The following SEC24A variants were observed in gnomAD, a reference collection of about 807,000 sequenced individuals.
SEC24A encodes SEC24 homolog A, COPII component.
In SEC24A, 93 loss-of-function variants were observed where a neutral mutation model predicts 129.4. The observed-to-expected ratio is 0.72, with a 90% confidence interval of 0.61 to 0.85. The LOEUF (loss-of-function observed/expected upper bound fraction) is 0.85. Among genes scored for constraint, SEC24A ranks in the 40% least tolerant of loss-of-function variants. The pLI, the probability that SEC24A is intolerant of heterozygous loss-of-function variation, is 0.00. For missense variants in SEC24A, 1,264 were observed against 1,307.4 expected (o/e 0.97, Z 0.51); for synonymous variants, 460 against 467.3 (o/e 0.98, Z 0.20).
intron 22 of SEC24A, among the ~76,000 whole-genome samples, chr5:134,724,387 G>A (rs919315217): frequency 2.6e-5 from 4 of 151,976 alleles, no homozygotes; most frequent in Non-Finnish European, 5.9e-5. Flanking sequence ...TTGGGAGTTC[G>A]AGACCAGCCT....
At chr5:134,682,590 G>T (rs962962253) in intron 9 of SEC24A, 108 bp downstream of exon 9, 1 of 586,514 alleles carries the variant, frequency 1.7e-6, no homozygotes. Context: ...TTTTGAGACA[G>T]AGTTTCACTC....
chr5:134,696,273 AAAAAAAAGAAAAAG>A (rs1348998568), intron 13 of SEC24A, among the ~76,000 whole-genome samples: 2 of 151,692 alleles, frequency 1.3e-5, no homozygotes, highest in Non-Finnish European at 2.9e-5. Context: ...TCCCATCTCA[AAAAAAAAGAAAAAG>A]AAAAAAAGAA....
At chr5:134,722,259 G>A (rs956705260) in intron 21 of SEC24A, among the ~76,000 whole-genome samples, 3 of 152,068 alleles carry the variant, frequency 2.0e-5, no homozygotes, top group Non-Finnish European at 4.4e-5. Flanking sequence ...GGGAGGCCGA[G>A]GCTGGCGAAT....
intron 16 of SEC24A, among the ~76,000 whole-genome samples, chr5:134,705,062 A>ATT (rs1170494212): frequency 7.9e-6 from 1 of 127,144 alleles, no homozygotes; most frequent in Non-Finnish European, 1.7e-5. Flanking sequence ...AGTTATTTAT[A>ATT]TTTATATTTA....
chr5:134,687,211 CA>C (rs1271740884), intron 10 of SEC24A, among the ~76,000 whole-genome samples: 6 of 152,132 alleles, frequency 3.9e-5, no homozygotes, highest in Non-Finnish European at 8.8e-5. Context: ...TATTTGAAAG[CA>C]AATTTCAGCC....
At chr5:134,721,971 G>A (rs982479844) in intron 21 of SEC24A, among the ~76,000 whole-genome samples, 2 of 152,188 alleles carry the variant, frequency 1.3e-5, no homozygotes, top group African/African-American at 2.4e-5. Flanking sequence ...ATGACTAAGC[G>A]TTTTAGGTAA....
chr5:134,702,963 C>A (rs1043881394), intron 15 of SEC24A, among the ~76,000 whole-genome samples: 1 of 151,980 alleles, frequency 6.6e-6, no homozygotes, highest in Non-Finnish European at 1.5e-5. Context: ...CAGGATTTCA[C>A]CATGTTGCCA....
Position 134,697,919 on chromosome 5 carries a change from G to T in SEC24A, c.2128G>T (p.Ala710Ser). The change falls in exon 15 of 23, where the codon GCA becomes TCA. Residue 710 changes from alanine (A) to serine (S), a missense_variant. Physicochemically the swap from Ala to Ser is moderately conservative, Grantham distance 99 (BLOSUM62 1). Transcript: ENST00000398844. ...ASLGCISRYS[A>S]GSVYYYPSYH... ...TCCAGGTTGTATTTCTCGGTATTCA[G>T]CAGGTAGTGTCTATTACTATCCCTC... 1.9e-6 allele frequency: 3 copies of T among 1,612,352 alleles called. No homozygotes were observed. The highest frequency in any genetic ancestry group is 2.5e-6 in the Non-Finnish European group (3 of 1,179,568).
At chr5:134,651,639 A>C (rs1010364340) in intron 1 of SEC24A, among the ~76,000 whole-genome samples, 1 of 151,380 alleles carries the variant, frequency 6.6e-6, no homozygotes, top group Non-Finnish European at 1.5e-5. Flanking sequence ...TGTTTTATAT[A>C]TATTTTGTAG....
intron 21 of SEC24A, among the ~76,000 whole-genome samples, chr5:134,722,014 C>T (rs930788936): frequency 2.4e-4 from 36 of 152,264 alleles, no homozygotes; most frequent in African/African-American, 8.7e-4. Flanking sequence ...TTAATAATAA[C>T]TGAACGAATC....
At chr5:134,659,900 G>T (rs6880866) in intron 1 of SEC24A, among the ~76,000 whole-genome samples, 1,910 of 152,016 alleles carry the variant, frequency 0.013, 10 homozygotes, top group Non-Finnish European at 0.019. Flanking sequence ...CTATCTGCCC[G>T]CCTTGGCCTC....
intron 1 of SEC24A, among the ~76,000 whole-genome samples, chr5:134,657,691 C>G (rs1472487845): frequency 1.3e-5 from 2 of 152,116 alleles, no homozygotes; most frequent in African/African-American, 4.8e-5. Flanking sequence ...ATCCTCCCGC[C>G]TCAGCCTCCC....
chr5:134,682,372 G>C lies in SEC24A; in HGVS notation c.1382-1G>C. On this transcript the variant is annotated splice_acceptor_variant, in intron 8 of 22. Transcript: ENST00000398844. LOFTEE classifies it high-confidence loss of function. ...ATATGTGTATTGTTAACTTTATATA[G>C]TTCCTGAAGAATTCTTGTACAACCC... The C allele has an allele frequency of 6.5e-7, 1 of 1,534,760 alleles. No homozygotes were observed. The highest frequency in any genetic ancestry group is 9.0e-7 in the Non-Finnish European group (1 of 1,113,028).
chr5:134,668,472 T>G (rs1222950714), intron 3 of SEC24A, among the ~76,000 whole-genome samples: 1 of 152,098 alleles, frequency 6.6e-6, no homozygotes. Flanking sequence ...ACGCCTATAA[T>G]CCCAGCAATT....
chr5:134,677,915 AGTT>A (rs1404345634), intron 7 of SEC24A, among the ~76,000 whole-genome samples: 20 of 152,216 alleles, frequency 1.3e-4, no homozygotes, highest in African/African-American at 4.3e-4. Context: ...ACTGGCTCTC[AGTT>A]AAGTTGATCA....
chr5:134,695,147 A>G (rs1751779449), intron 13 of SEC24A, among the ~76,000 whole-genome samples: 1 of 152,138 alleles, frequency 6.6e-6, no homozygotes, highest in South Asian at 2.1e-4. Context: ...AGATGGAAGC[A>G]TCGGTTGAGC....
At chr5:134,673,743 A>G (rs1750956920) in intron 4 of SEC24A, among the ~76,000 whole-genome samples, 1 of 152,212 alleles carries the variant, frequency 6.6e-6, no homozygotes, top group South Asian at 2.1e-4. Context: ...TACAGGCATG[A>G]GTCACCACAC....
At chr5:134,692,707 T>C in intron 12 of SEC24A, 50 bp downstream of exon 12, 1 of 1,072,966 alleles carries the variant, frequency 9.3e-7, no homozygotes, top group Admixed American at 1.9e-5. Flanking sequence ...ATTGAAGGAA[T>C]ATGTTTTTGA....
chr5:134,697,783 C>T (rs1462170699), intron 14 of SEC24A, 116 bp from the exon 15 acceptor site: 2 of 1,091,090 alleles, frequency 1.8e-6, no homozygotes, highest in Non-Finnish European at 2.6e-6. Context: ...AATCTCCTTT[C>T]TGACAGTAGT....
Sources: allele counts gnomAD v4.1 joint callset (sites outside exome capture counted in the v4.1 genomes callset), GRCh38; gene constraint gnomAD v4.1.1; transcripts MANE v1.5; gene names NCBI Gene and HGNC (gene_info 2026-07-23, HGNC 2026-07-21).